The following ZNF366 variants were observed in gnomAD, a reference collection of about 807,000 sequenced individuals.
ZNF366 encodes the protein zinc finger protein 366.
ZNF366 carries 20 observed loss-of-function variants against 47.2 expected under a neutral mutation model. The ratio of observed to expected loss-of-function variants is 0.42; its 90% CI spans 0.30 to 0.62. The LOEUF (loss-of-function observed/expected upper bound fraction) is 0.62, where lower values mean the gene tolerates loss of function less well. Among genes scored for constraint, ZNF366 ranks in the 20% least tolerant of loss-of-function variants. The pLI, the probability that ZNF366 is intolerant of heterozygous loss-of-function variation, is 0.16. For missense variants in ZNF366, 987 were observed against 976.3 expected (o/e 1.01, Z -0.15); for synonymous variants, 421 against 395.1 (o/e 1.07, Z -0.78).
At chr5:72,444,708 T>C (rs550610550) in intron 4 of ZNF366, among the ~76,000 whole-genome samples, 1 of 152,272 alleles carries the variant, frequency 6.6e-6, no homozygotes, top group South Asian at 2.1e-4. Context: ...AAATTATGCA[T>C]AGGGGATGTA....
chr5:72,491,714 AGGTATTCTCAT>A (rs1744014153), intron 1 of ZNF366, among the ~76,000 whole-genome samples: 1 of 152,266 alleles, frequency 6.6e-6, no homozygotes, highest in South Asian at 2.1e-4. Context: ...ACTGGTAAGA[AGGTATTCTCAT>A]GGTTCTACAG....
chr5:72,444,039 T>C lies in ZNF366; in HGVS notation c.1952A>G (p.Lys651Arg). The change falls in exon 5 of 5, where the codon AAG becomes AGG. Residue 651 changes from lysine (K) to arginine (R), a missense_variant. By Grantham distance (26) the Lys-to-Arg change is conservative. Transcript: ENST00000318442. ...QLCTPEDLST[K>R]SEHAPEVLEE... ...CAGCACCTCGGGGGCGTGCTCCGAC[T>C]TGGTGGACAGATCCTCGGGTGTGCA... 1 of 1,614,216 alleles carries C rather than the reference T, an allele frequency of 6.2e-7. No homozygotes were observed. Among genetic ancestry groups the C allele is most frequent in the Non-Finnish European group, 8.5e-7 (1 of 1,180,034 alleles).
intron 1 of ZNF366, among the ~76,000 whole-genome samples, chr5:72,506,405 G>A (rs1299630887): frequency 1.3e-5 from 2 of 152,144 alleles, no homozygotes; most frequent in Non-Finnish European, 2.9e-5. Flanking sequence ...TTAAAAACTA[G>A]TTGTGTATGT....
Position 72,460,329 on chromosome 5 carries a change from G to C in ZNF366, c.1168C>G (p.Pro390Ala). ...CACTCGGAGCAGTTGTACTGGATGG[G>C]GCCCCGGTGCGTGGTGAGGTGTCTC... is the stretch of plus-strand genomic sequence containing the variant. ...LKRHLTTHRG[P>A]IQYNCSECDK... Residue 390 changes from proline (P) to alanine (A), a missense_variant, in exon 2 of 5, where the codon CCC (proline) becomes GCC (alanine). By Grantham distance (27) the Pro-to-Ala change is conservative. Transcript: ENST00000318442. 1 of 1,614,238 alleles carries C rather than the reference G, an allele frequency of 6.2e-7. No individual in the cohort carries two copies. Among genetic ancestry groups the C allele is most frequent in the South Asian group, 1.1e-5 (1 of 91,082 alleles).
chr5:72,448,371 G>C (rs1743000358), intron 3 of ZNF366, among the ~76,000 whole-genome samples: 1 of 152,110 alleles, frequency 6.6e-6, no homozygotes, highest in Non-Finnish European at 1.5e-5. Flanking sequence ...TTTGGAAGAG[G>C]AGCAGAACTT....
intron 1 of ZNF366, among the ~76,000 whole-genome samples, chr5:72,487,229 T>C (rs1743908715): frequency 6.6e-6 from 1 of 152,224 alleles, no homozygotes; most frequent in South Asian, 2.1e-4. Flanking sequence ...TGCATAATAC[T>C]GAAATTGAGC....
In ZNF366 at chr5:72,507,395, A is replaced by G. The variant is rs1339412558; in HGVS notation, c.-159T>C. Reference sequence around the variant, plus strand: ...AGAACTCGCAGGGACAGTGTTTCGAATGACTTAAGAAAGAGAACAGGAACA... The same window carrying G: ...AGAACTCGCAGGGACAGTGTTTCGAGTGACTTAAGAAAGAGAACAGGAACA... On this transcript the variant is annotated 5_prime_UTR_variant, in exon 1 of 5. Coordinates refer to ENST00000318442, the MANE Select transcript of ZNF366 (RefSeq NM_152625.3). 3 of 985,300 alleles carry G rather than the reference A, an allele frequency of 3.0e-6. No homozygotes were observed. Among genetic ancestry groups the G allele is most frequent in the African/African-American group, 1.7e-5 (1 of 57,222 alleles). 61.0% of individuals were successfully genotyped at this position (985,300 alleles called of 1,614,324 possible).
At chr5:72,473,304 C>T (rs1743607501) in intron 1 of ZNF366, among the ~76,000 whole-genome samples, 1 of 152,140 alleles carries the variant, frequency 6.6e-6, no homozygotes. Flanking sequence ...AGCTCCTGTA[C>T]CCACTTGGTG....
intron 1 of ZNF366, among the ~76,000 whole-genome samples, chr5:72,496,331 T>C (rs1201127672): frequency 6.6e-6 from 1 of 152,130 alleles, no homozygotes; most frequent in Non-Finnish European, 1.5e-5. Context: ...GTCTCTATCG[T>C]TTTGTGCTTT....
intron 3 of ZNF366, among the ~76,000 whole-genome samples, chr5:72,456,031 AAGG>A (rs1193014896): frequency 6.6e-6 from 1 of 152,184 alleles, no homozygotes. Flanking sequence ...ATTGCCTTGT[AAGG>A]AGAAGAAGGC....
At position 72,460,156 on chromosome 5, in the gene ZNF366, C is replaced by G. The variant is rs749952201; in HGVS notation, c.1332+9G>C. 3 of 1,612,754 alleles carry G rather than the reference C, an allele frequency of 1.9e-6. No individual in the cohort carries two copies. The African/African-American group carries it at 4.0e-5, about 21-fold the overall frequency. On this transcript the variant is annotated intron_variant, in intron 2 of 4. Coordinates refer to ENST00000318442, the MANE Select transcript of ZNF366 (RefSeq NM_152625.3). ...GGCCCCGTCCGCCCCACCAGAGGCC[C>G]CGCAGTACCTTGTGGGTGAGGGAGT...
At chr5:72,497,200 A>G (rs569702824) in intron 1 of ZNF366, among the ~76,000 whole-genome samples, 71 of 152,278 alleles carry the variant, frequency 4.7e-4, no homozygotes, top group African/African-American at 1.7e-3. Context: ...GTCGTAACTA[A>G]GAAATCTTTG....
chr5:72,483,330 G>T (rs1175872385), intron 1 of ZNF366, among the ~76,000 whole-genome samples: 1 of 152,144 alleles, frequency 6.6e-6, no homozygotes, highest in African/African-American at 2.4e-5. Context: ...AGCTCACACT[G>T]AACTTAGAGC....
intron 1 of ZNF366, among the ~76,000 whole-genome samples, chr5:72,486,934 C>G (rs1401987035): frequency 6.6e-6 from 1 of 152,052 alleles, no homozygotes; most frequent in Admixed American, 6.6e-5. Flanking sequence ...CCTGCCACCA[C>G]GCCTGGCTGC....
At chr5:72,494,655 G>C (rs1744076800) in intron 1 of ZNF366, among the ~76,000 whole-genome samples, 1 of 149,100 alleles carries the variant, frequency 6.7e-6, no homozygotes, top group Non-Finnish European at 1.5e-5. Flanking sequence ...CCATGACTGA[G>C]ACACTTGAAG....
intron 1 of ZNF366, among the ~76,000 whole-genome samples, chr5:72,489,714 T>A (rs1275366167): frequency 6.6e-6 from 1 of 152,204 alleles, no homozygotes; most frequent in Non-Finnish European, 1.5e-5. Context: ...TAATACCATT[T>A]AAGAAAATGG....
chr5:72,461,128 C>G lies in ZNF366; in HGVS notation c.369G>C (p.Lys123Asn). The G allele has an allele frequency of 1.2e-6, 2 of 1,614,110 alleles. No individual in the cohort carries two copies. Among genetic ancestry groups the G allele is most frequent in the East Asian group, 4.5e-5 (2 of 44,870 alleles). Residue 123 changes from lysine (K) to asparagine (N), a missense_variant, in exon 2 of 5, where the codon AAG becomes AAC. Transcript: ENST00000318442. ...ACAGGTCGATCATCTGAGAGTCATACTTGGGGCGCGGGGGCTGCGGGAACA... is the reference window on the plus strand; with the variant it reads ...ACAGGTCGATCATCTGAGAGTCATAGTTGGGGCGCGGGGGCTGCGGGAACA... ...PLLFPQPPRP[K>N]YDSQMIDLCN...
chr5:72,480,166 G>A (rs1743764132), intron 1 of ZNF366, among the ~76,000 whole-genome samples: 1 of 152,194 alleles, frequency 6.6e-6, no homozygotes. Flanking sequence ...CCAAATCAGT[G>A]TGAAAGTATG....
At chr5:72,492,568 T>C (rs755874602) in intron 1 of ZNF366, among the ~76,000 whole-genome samples, 31 of 152,238 alleles carry the variant, frequency 2.0e-4, no homozygotes, top group Non-Finnish European at 5.9e-5. Context: ...AATAGGTTCT[T>C]TTCTCCTATC....
Sources: gnomAD v4.1 joint callset for allele counts (sites outside exome capture counted in the v4.1 genomes callset) on GRCh38, gnomAD v4.1.1 for gene constraint, MANE v1.5 for transcripts, NCBI Gene and HGNC (gene_info 2026-07-23, HGNC 2026-07-21) for gene names.